Variants in CC2D2B observed in about 807,000 individuals in gnomAD.
The protein encoded by CC2D2B is coiled-coil and C2 domain containing 2B.
In CC2D2B, 128 loss-of-function variants were observed where a neutral mutation model predicts 161.2. The ratio of observed to expected loss-of-function variants is 0.79; its 90% confidence interval spans 0.69 to 0.92. The LOEUF (loss-of-function observed/expected upper bound fraction) is 0.92, where lower values mean the gene tolerates loss of function less well. Among genes scored for constraint, CC2D2B ranks in the 40% least tolerant of loss-of-function variants. The pLI, the probability that CC2D2B is intolerant of heterozygous loss-of-function variation, is 0.00. For synonymous variants in CC2D2B, 391 were observed against 449.8 expected (o/e 0.87, Z 1.65); for missense variants, 1,173 against 1,375.1 (o/e 0.85, Z 2.32).
intron 30 of CC2D2B, 50 bp downstream of exon 30, chr10:96,016,364 T>C: frequency 8.0e-7 from 1 of 1,255,790 alleles, no homozygotes; most frequent in Non-Finnish European, 1.2e-6. Flanking sequence ...GGAAATCAGA[T>C]TTCAGCTGCA....
chr10:95,970,125 C>T (rs1407777042), intron 15 of CC2D2B, among the ~76,000 whole-genome samples: 3 of 151,668 alleles, frequency 2.0e-5, no homozygotes, highest in Admixed American at 6.6e-5. Flanking sequence ...ACCTCCACTT[C>T]CTGGGTTCAA....
At chr10:96,029,457 T>C (rs1312423723) in intron 34 of CC2D2B, among the ~76,000 whole-genome samples, 1 of 151,788 alleles carries the variant, frequency 6.6e-6, no homozygotes, top group Non-Finnish European at 1.5e-5. Flanking sequence ...TGTTTTATGA[T>C]GTATAAATTA....
Position 96,032,661 on chromosome 10 carries a change from A to G in CC2D2B, c.*653A>G. On this transcript the variant is annotated 3_prime_UTR_variant, in exon 35 of 35. Transcript: ENST00000646931. Reference sequence around the variant, plus strand: ...TATTTCACTGGTAAAGAAAAATAAAATAAAATCTACCATGTTGGGCTGATG... The same window carrying G: ...TATTTCACTGGTAAAGAAAAATAAAGTAAAATCTACCATGTTGGGCTGATG... 2.8e-6 allele frequency: 1 copy of G among 361,754 alleles called. No individual in the cohort carries two copies. Among genetic ancestry groups the G allele is most frequent in the South Asian group, 2.3e-5 (1 of 44,180 alleles). The allele number at this position is 361,754 out of a possible 1,614,324, so 22.4% of individuals were successfully genotyped here. A position where few individuals can be genotyped will look rare whatever the true frequency, so the allele number is the denominator to read the frequency against.
In CC2D2B at chr10:96,032,596, A is replaced by G. The variant is rs1317188255; in HGVS notation, c.*588A>G. On this transcript the variant is annotated 3_prime_UTR_variant, in exon 35 of 35. Transcript: ENST00000646931. ...TACAATTTCAGATGGAAGCTGCTCGAGTGGAAAACTAAGGTCATTGCCTCT... is the reference window on the plus strand; with the variant it reads ...TACAATTTCAGATGGAAGCTGCTCGGGTGGAAAACTAAGGTCATTGCCTCT... The G allele has an allele frequency of 3.1e-6, 1 of 321,432 alleles. No individual in the cohort carries two copies. The highest frequency in any genetic ancestry group is 6.3e-6 in the Non-Finnish European group (1 of 158,104). 19.9% of individuals were successfully genotyped at this position (321,432 alleles called of 1,614,324 possible).
At chr10:95,947,113 A>ATATATATTTTT (rs1289243570) in intron 9 of CC2D2B, among the ~76,000 whole-genome samples, 4 of 48,374 alleles carry the variant, frequency 8.3e-5, no homozygotes, top group African/African-American at 3.7e-4. Context: ...ATATATATAT[A>ATATATATTTTT]TTTTTTTTTT....
At chr10:95,932,735 C>A (rs1278859401) in intron 6 of CC2D2B, among the ~76,000 whole-genome samples, 1 of 152,180 alleles carries the variant, frequency 6.6e-6, no homozygotes. Flanking sequence ...TGTAGGATTT[C>A]TGCATAGAGA....
chr10:95,936,678 G>A (rs1364299812), intron 6 of CC2D2B, among the ~76,000 whole-genome samples: 2 of 152,186 alleles, frequency 1.3e-5, no homozygotes, highest in South Asian at 4.1e-4. Context: ...GAACAGTTGA[G>A]CAGGTAGGAC....
At chr10:96,030,543 C>G (rs564779282) in intron 34 of CC2D2B, among the ~76,000 whole-genome samples, 1 of 152,056 alleles carries the variant, frequency 6.6e-6, no homozygotes. Flanking sequence ...GATCTACAGG[C>G]ACTATTCACT....
chr10:95,926,814 C>CTGTGTGTGTGTG (rs1564585963), intron 5 of CC2D2B, among the ~76,000 whole-genome samples: 4 of 47,720 alleles, frequency 8.4e-5, no homozygotes, highest in African/African-American at 4.0e-4. Flanking sequence ...GCTGAGGTGG[C>CTGTGTGTGTGTG]AGTGTGTGTG....
chr10:96,021,157 T>A (rs1174442576), intron 32 of CC2D2B: 2 of 152,206 alleles, frequency 1.3e-5, no homozygotes, highest in Non-Finnish European at 2.9e-5. Context: ...GAAGCACACA[T>A]TTCTGTAAAT....
chr10:95,988,477 G>A, intron 20 of CC2D2B, 135 bp downstream of exon 20: 1 of 395,680 alleles, frequency 2.5e-6, no homozygotes, highest in Non-Finnish European at 4.4e-6. Context: ...AGATCACTGA[G>A]GAGTTTTCTG....
intron 9 of CC2D2B, among the ~76,000 whole-genome samples, chr10:95,947,082 A>AATATATATATATAT (rs1297977316): frequency 2.0e-4 from 8 of 39,494 alleles, no homozygotes; most frequent in Non-Finnish European, 2.7e-4. Context: ...TGGACTCAAA[A>AATATATATATATAT]ATATATATAT....
chr10:95,939,556 T>C (rs1052551672), intron 9 of CC2D2B, among the ~76,000 whole-genome samples: 1 of 152,208 alleles, frequency 6.6e-6, no homozygotes, highest in African/African-American at 2.4e-5. Context: ...TACTATATAG[T>C]GCCAAATGAT....
chr10:95,975,889 T>C (rs2077295495), intron 17 of CC2D2B, among the ~76,000 whole-genome samples: 1 of 152,218 alleles, frequency 6.6e-6, no homozygotes, highest in South Asian at 2.1e-4. Context: ...TATTATTTTG[T>C]TATATTTCTT....
At chr10:96,027,971 T>C (rs769135359) in intron 34 of CC2D2B, among the ~76,000 whole-genome samples, 1 of 152,180 alleles carries the variant, frequency 6.6e-6, no homozygotes, top group African/African-American at 2.4e-5. Flanking sequence ...TATGTCACTT[T>C]ATGCAAAATC....
intron 25 of CC2D2B, among the ~76,000 whole-genome samples, chr10:96,009,234 C>T (rs1011400421): frequency 6.6e-6 from 1 of 152,070 alleles, no homozygotes; most frequent in African/African-American, 2.4e-5. Flanking sequence ...TCCACTCTGA[C>T]AATCTCTGCC....
At chr10:96,009,378 T>C (rs2078889837) in intron 25 of CC2D2B, among the ~76,000 whole-genome samples, 1 of 152,188 alleles carries the variant, frequency 6.6e-6, no homozygotes, top group Non-Finnish European at 1.5e-5. Context: ...GGAATACTTT[T>C]ATGATTTCAT....
chr10:95,926,814 C>CTGTGTGTGTGTGTGTG (rs1564585963), intron 5 of CC2D2B, among the ~76,000 whole-genome samples: 4 of 47,722 alleles, frequency 8.4e-5, no homozygotes, highest in African/African-American at 3.0e-4. Flanking sequence ...GCTGAGGTGG[C>CTGTGTGTGTGTGTGTG]AGTGTGTGTG....
chr10:95,974,271 G>T, intron 17 of CC2D2B, 115 bp downstream of exon 17: 1 of 468,970 alleles, frequency 2.1e-6, no homozygotes, highest in Non-Finnish European at 3.4e-6. Context: ...TAGTCTATTT[G>T]AATGTTGATT....
Sources: gnomAD v4.1 joint callset for allele counts (sites outside exome capture counted in the v4.1 genomes callset) on GRCh38, gnomAD v4.1.1 for gene constraint, MANE v1.5 for transcripts, NCBI Gene and HGNC (gene_info 2026-07-23, HGNC 2026-07-21) for gene names.